PDGFC: variants seen among roughly 807,000 people sequenced by gnomAD.
PDGFC encodes platelet-derived growth factor C.
Under a neutral mutation model 35.5 loss-of-function variants are expected in PDGFC, and 12 were observed. The observed-to-expected ratio is 0.34, with a 90% CI of 0.22 to 0.55. The LOEUF is 0.55. Among genes scored for constraint, PDGFC ranks in the 20% least tolerant of loss-of-function variants. PDGFC has a pLI of 0.91. For missense variants in PDGFC, 322 were observed against 412.4 expected, an observed-to-expected ratio of 0.78 and a Z score of 1.90; for synonymous variants, 159 against 148.8, an observed-to-expected ratio of 1.07 and a Z score of -0.50.
At chr4:156,938,950 T>C (rs1731744747) in intron 1 of PDGFC, among the ~76,000 whole-genome samples, 1 of 151,982 alleles carries the variant, frequency 6.6e-6, no homozygotes, top group South Asian at 2.1e-4. Context: ...CCAAATTCAC[T>C]TGGAGTAAAA....
At chr4:156,968,210 C>G (rs149625939) in intron 1 of PDGFC, among the ~76,000 whole-genome samples, 332 of 152,200 alleles carry the variant, frequency 2.2e-3, no homozygotes, top group Non-Finnish European at 3.7e-3. Flanking sequence ...CCATTAGGGA[C>G]TTTAGAATAC....
chr4:156,792,721 G>A (rs1731329997), intron 3 of PDGFC, among the ~76,000 whole-genome samples: 1 of 152,152 alleles, frequency 6.6e-6, no homozygotes, highest in South Asian at 2.1e-4. Context: ...AATAACTGTG[G>A]TTTCCAAAAC....
At chr4:156,818,874 C>T (rs1354933672) in intron 2 of PDGFC, among the ~76,000 whole-genome samples, 1 of 152,046 alleles carries the variant, frequency 6.6e-6, no homozygotes, top group Admixed American at 6.6e-5. Context: ...GCCATTTTAG[C>T]GTTAATTGGC....
chr4:156,779,228 A>T (rs1730914521), intron 3 of PDGFC: 1 of 449,100 alleles, frequency 2.2e-6, no homozygotes, highest in South Asian at 1.6e-5. Context: ...CTATGTTCTT[A>T]TCCGAATTCA....
At chr4:156,834,617 G>C (rs1032646900) in intron 2 of PDGFC, among the ~76,000 whole-genome samples, 6 of 152,158 alleles carry the variant, frequency 3.9e-5, no homozygotes, top group Non-Finnish European at 8.8e-5. Context: ...TGAGAAAGGA[G>C]TAGGGGGTTA....
chr4:156,810,735 GTTTTCTGATTTT>G lies in PDGFC; in HGVS notation c.495+90_495+101del, dbSNP rs544287319. 1,819 of 762,556 alleles carry G rather than the reference GTTTTCTGATTTT, an allele frequency of 2.4e-3. 5 individuals are homozygous for G. The highest frequency in any genetic ancestry group is 3.6e-3 in the Non-Finnish European group (1,651 of 464,472). 47.2% of individuals were successfully genotyped at this position (762,556 alleles called of 1,614,324 possible). Reference sequence around the variant, plus strand: ...TAAAAATGAAATCCCAGCTAGGTTTGTTTTCTGATTTTTTTTCTGATTCTCATGTGTAAGAGG... The same window carrying G: ...TAAAAATGAAATCCCAGCTAGGTTTGTTTTCTGATTCTCATGTGTAAGAGG... On this transcript the variant is annotated intron_variant, in intron 3 of 5. Transcript: ENST00000502773.
At chr4:156,880,082 C>T (rs567475528) in intron 1 of PDGFC, among the ~76,000 whole-genome samples, 1 of 152,244 alleles carries the variant, frequency 6.6e-6, no homozygotes, top group East Asian at 1.9e-4. Flanking sequence ...GCAAGCTATC[C>T]AGAAGATAAG....
chr4:156,773,980 C>A (rs997171048), intron 3 of PDGFC, among the ~76,000 whole-genome samples: 2 of 152,172 alleles, frequency 1.3e-5, no homozygotes, highest in African/African-American at 4.8e-5. Context: ...AAAACATGTA[C>A]TATAAATAGC....
chr4:156,877,093 C>CT, intron 1 of PDGFC, among the ~76,000 whole-genome samples: 1 of 151,818 alleles, frequency 6.6e-6, no homozygotes, highest in East Asian at 1.9e-4. Context: ...TTTCCTTTTT[C>CT]TTTTTTTAAT....
At position 156,766,674 on chromosome 4, in the gene PDGFC, C is replaced by T. The variant is rs919612732; in HGVS notation, c.921+1099G>A. On this transcript the variant is annotated intron_variant, in intron 5 of 5. Transcript: ENST00000502773. ...AATACCTACTTAATAAATAAAATGACTTTTCATATGCATAAAGTGTTCAGT... is the reference window on the plus strand; with the variant it reads ...AATACCTACTTAATAAATAAAATGATTTTTCATATGCATAAAGTGTTCAGT... 2.0e-5 allele frequency among the ~76,000 whole-genome samples: 3 copies of T among 152,016 alleles called. 1 individual carries two copies. In the South Asian group the frequency reaches 6.2e-4, roughly 32 times the overall value.
At chr4:156,896,592 C>A (rs1026656769) in intron 1 of PDGFC, among the ~76,000 whole-genome samples, 1 of 152,090 alleles carries the variant, frequency 6.6e-6, no homozygotes, top group Non-Finnish European at 1.5e-5. Context: ...AGAGTTGACA[C>A]AATATTTAAG....
At position 156,906,129 on chromosome 4, in the gene PDGFC, G is replaced by A. The variant is rs190861373; in HGVS notation, c.119-55713C>T. Among the ~76,000 whole-genome samples, 375 of 152,178 alleles carry A rather than the reference G, an allele frequency of 2.5e-3. 4 individuals carry two copies. Among genetic ancestry groups the A allele is most frequent in the African/African-American group, 8.7e-3 (360 of 41,542 alleles). ...CATACTAGCACTTCTGAAGTTATCAGAAATTTTCAAAACAAGTAAGAATAT... is the reference window on the plus strand; with the variant it reads ...CATACTAGCACTTCTGAAGTTATCAAAAATTTTCAAAACAAGTAAGAATAT... On this transcript the variant is annotated intron_variant, in intron 1 of 5. Transcript: ENST00000502773.
intron 1 of PDGFC, among the ~76,000 whole-genome samples, chr4:156,902,172 C>T (rs1158097421): frequency 6.6e-6 from 1 of 152,138 alleles, no homozygotes; most frequent in Non-Finnish European, 1.5e-5. Context: ...ACTTATTGAG[C>T]TTATTTTTAA....
At chr4:156,904,448 C>T (rs1730866292) in intron 1 of PDGFC, among the ~76,000 whole-genome samples, 1 of 152,048 alleles carries the variant, frequency 6.6e-6, no homozygotes, top group Admixed American at 6.5e-5. Flanking sequence ...GTGTCCTGCA[C>T]TTATTTCTCT....
chr4:156,878,452 CTAAA>C (rs1730166572), intron 1 of PDGFC, among the ~76,000 whole-genome samples: 1 of 152,166 alleles, frequency 6.6e-6, no homozygotes, highest in East Asian at 1.9e-4. Flanking sequence ...CAAAGTCAAT[CTAAA>C]TAACATAATT....
chr4:156,764,376 C>CT (rs1474729648), intron 5 of PDGFC, among the ~76,000 whole-genome samples: 3 of 152,140 alleles, frequency 2.0e-5, no homozygotes, highest in Non-Finnish European at 4.4e-5. Context: ...TTTTTACATA[C>CT]TTTAACTCAC....
rs140441582 is a variant in PDGFC at position 156,819,051 on chromosome 4, A to G, written c.315-8034T>C. Among the ~76,000 whole-genome samples, 879 of 152,318 alleles carry G rather than the reference A, an allele frequency of 5.8e-3. 5 individuals carry two copies. The highest frequency in any genetic ancestry group is 0.02 in the African/African-American group (812 of 41,576). Reference sequence around the variant, plus strand: ...CCAGAGCAAGGTCCTAACTCTCTTTAATTCTATGAAGGTTAAGAAGGGTAA... The same window carrying G: ...CCAGAGCAAGGTCCTAACTCTCTTTGATTCTATGAAGGTTAAGAAGGGTAA... On this transcript the variant is annotated intron_variant, in intron 2 of 5. Coordinates refer to ENST00000502773, the MANE Select transcript of PDGFC (RefSeq NM_016205.3).
intron 3 of PDGFC, among the ~76,000 whole-genome samples, chr4:156,803,789 C>G (rs2110922914): frequency 6.6e-6 from 1 of 152,212 alleles, no homozygotes; most frequent in South Asian, 2.1e-4. Context: ...TTCTTGACAA[C>G]TGGAAATGTC....
At chr4:156,873,523 G>A (rs747780330) in intron 1 of PDGFC, among the ~76,000 whole-genome samples, 1 of 152,014 alleles carries the variant, frequency 6.6e-6, no homozygotes, top group Non-Finnish European at 1.5e-5. Context: ...TACATAAATC[G>A]CATTTTGTTT....
Sources: gnomAD v4.1 joint callset for allele counts (sites outside exome capture counted in the v4.1 genomes callset) on GRCh38, gnomAD v4.1.1 for gene constraint, MANE v1.5 for transcripts, NCBI Gene and HGNC (gene_info 2026-07-23, HGNC 2026-07-21) for gene names.